The following ADAMTS16 variants were observed in gnomAD, a reference collection of about 807,000 sequenced individuals.
The protein encoded by ADAMTS16 is A disintegrin and metalloproteinase with thrombospondin motifs 16.
Under a neutral mutation model 145.8 loss-of-function variants are expected in ADAMTS16, and 94 were observed. That is an observed-to-expected ratio of 0.64 (90% CI 0.55 to 0.77). The LOEUF (loss-of-function observed/expected upper bound fraction) is 0.77, where lower values mean the gene tolerates loss of function less well. ADAMTS16 is among the 30% of genes least tolerant of loss of function. The pLI is 0.00. For missense variants in ADAMTS16, 1,585 were observed against 1,591.5 expected, an observed-to-expected ratio of 1.00 and a Z score of 0.07; for synonymous variants, 659 against 604.3, an observed-to-expected ratio of 1.09 and a Z score of -1.33.
chr5:5,235,052 G>A lies in ADAMTS16; in HGVS notation c.1889G>A (p.Arg630His), dbSNP rs377507889. ...HGGKFCEGST[R>H]TLKLCNSQKC... ...GGGAAGTTCTGTGAGGGCTCCACTC[G>A]CACTCTGAAGCTCTGCAACAGTCAG... The change falls in exon 13 of 23, where the codon CGC becomes CAC. Residue 630 changes from arginine (R) to histidine (H), a missense_variant. Physicochemically the swap from Arg to His is conservative, Grantham distance 29. This residue lies in a region of ADAMTS16 where 834 missense variants were observed against 811.7 expected (regional missense o/e 1.03). Coordinates refer to ENST00000274181, the MANE Select transcript of ADAMTS16 (RefSeq NM_139056.4). 4.3e-5 allele frequency: 69 copies of A among 1,595,892 alleles called. No individual in the cohort carries two copies. Among genetic ancestry groups the A allele is most frequent in the South Asian group, 1.8e-4 (16 of 90,116 alleles).
chr5:5,288,655 A>G (rs1739189827), intron 18 of ADAMTS16, among the ~76,000 whole-genome samples: 1 of 152,246 alleles, frequency 6.6e-6, no homozygotes, highest in Non-Finnish European at 1.5e-5. Context: ...GCCGTTGTCC[A>G]GTTAAAATAT....
chr5:5,190,189 C>A, intron 7 of ADAMTS16, 59 bp downstream of exon 7: 1 of 1,485,256 alleles, frequency 6.7e-7, no homozygotes. Flanking sequence ...CTGGCCGTGA[C>A]ACAGTGTTGA....
chr5:5,164,212 G>T (rs1734807874), intron 3 of ADAMTS16, among the ~76,000 whole-genome samples: 2 of 152,214 alleles, frequency 1.3e-5, no homozygotes, highest in Admixed American at 1.3e-4. Context: ...ACCCACAAGT[G>T]AAAATATCTC....
In ADAMTS16 at chr5:5,140,672, G is replaced by C. The variant is rs758819088; in HGVS notation, c.81G>C (p.Ala27=). The change falls in exon 2 of 23, where the codon GCG becomes GCC. Residue 27 remains alanine (A), a synonymous_variant. Coordinates refer to ENST00000274181, the MANE Select transcript of ADAMTS16 (RefSeq NM_139056.4). ...GCCGCTGTTTTCCGCAGGCACCTGC[G>C]TGCGCCATGGGACCCGCAGCGGCAG... The part of the protein sequence containing the change: ...LLAQVAEQAP[A]CAMGPAAAAP... 2.6e-6 allele frequency: 4 copies of C among 1,554,262 alleles called. No homozygotes were observed. The highest frequency in any genetic ancestry group is 2.4e-5 in the South Asian group (2 of 85,014).
At chr5:5,299,992 C>T (rs1241149066) in intron 18 of ADAMTS16, among the ~76,000 whole-genome samples, 1 of 152,158 alleles carries the variant, frequency 6.6e-6, no homozygotes, top group Non-Finnish European at 1.5e-5. Context: ...ACAAAACAGA[C>T]ACTTGGTGTT....
chr5:5,208,163 A>T (rs1257199759), intron 9 of ADAMTS16, among the ~76,000 whole-genome samples: 1 of 152,160 alleles, frequency 6.6e-6, no homozygotes, highest in Non-Finnish European at 1.5e-5. Context: ...GTTGCTTTTT[A>T]TGCACGGAGT....
chr5:5,307,203 C>G (rs1027252663), intron 21 of ADAMTS16, among the ~76,000 whole-genome samples: 2 of 152,124 alleles, frequency 1.3e-5, no homozygotes, highest in African/African-American at 4.8e-5. Flanking sequence ...CTCGTCTGTG[C>G]CCGCGCCTCC....
intron 18 of ADAMTS16, among the ~76,000 whole-genome samples, chr5:5,296,853 C>G (rs894830633): frequency 1.3e-5 from 2 of 152,278 alleles, no homozygotes; most frequent in African/African-American, 4.8e-5. Context: ...GGTTGCCTAC[C>G]CGTGTGTTAC....
chr5:5,192,112 T>C (rs1286964641), intron 8 of ADAMTS16, among the ~76,000 whole-genome samples: 1 of 152,156 alleles, frequency 6.6e-6, no homozygotes, highest in African/African-American at 2.4e-5. Flanking sequence ...CCCTCCCAAA[T>C]AGATGGAACT....
In ADAMTS16 at chr5:5,236,571, A is replaced by G. The variant is rs540453229; in HGVS notation, c.2024-398A>G. ...CAGTGATGTTTTTGATTCTTTTATT[A>G]CATTTTATCTGTAAGAATTTTGTGT... is the stretch of plus-strand genomic sequence containing the variant. On this transcript the variant is annotated intron_variant, in intron 13 of 22. Coordinates refer to ENST00000274181, the MANE Select transcript of ADAMTS16 (RefSeq NM_139056.4). Among the ~76,000 whole-genome samples the G allele has an allele frequency of 2.0e-5, 3 of 151,602 alleles. No homozygotes were observed. The East Asian group carries it at 5.8e-4, about 30-fold the overall frequency.
intron 17 of ADAMTS16, among the ~76,000 whole-genome samples, chr5:5,248,480 C>T: frequency 6.6e-6 from 1 of 152,324 alleles, no homozygotes; most frequent in East Asian, 1.9e-4. Flanking sequence ...AGCTTATGCC[C>T]TTCCTTTCTC....
chr5:5,202,351 G>A (rs1735980891), intron 9 of ADAMTS16, among the ~76,000 whole-genome samples: 1 of 151,994 alleles, frequency 6.6e-6, no homozygotes, highest in Non-Finnish European at 1.5e-5. Flanking sequence ...CCTGTATTCT[G>A]GGAATATACA....
chr5:5,260,346 C>T (rs1737969499), intron 17 of ADAMTS16, among the ~76,000 whole-genome samples: 2 of 152,118 alleles, frequency 1.3e-5, no homozygotes, highest in South Asian at 4.2e-4. Context: ...TATTCTTCTT[C>T]AAGAGGCTCA....
chr5:5,303,546 G>A, intron 19 of ADAMTS16, 26 bp from the exon 20 acceptor site: 1 of 1,611,434 alleles, frequency 6.2e-7, no homozygotes, highest in Non-Finnish European at 8.5e-7. Flanking sequence ...CCCTCACTGG[G>A]TGCTTATCCT....
In ADAMTS16 at chr5:5,262,783, GGT is replaced by G; in HGVS notation, c.2789+1_2789+2del. On this transcript the variant is annotated splice_donor_variant, in intron 18 of 22. Transcript: ENST00000274181. LOFTEE classifies it high-confidence loss of function. ...TGCAAAGTATCTGCCTGTCCTCCCAGGTAAGAAGCATCGCGTTCATCAAAGCA... is the reference window on the plus strand; with the variant it reads ...TGCAAAGTATCTGCCTGTCCTCCCAGAAGAAGCATCGCGTTCATCAAAGCA... 1.2e-6 allele frequency: 2 copies of G among 1,613,724 alleles called. No individual in the cohort carries two copies. Among genetic ancestry groups the G allele is most frequent in the Non-Finnish European group, 1.7e-6 (2 of 1,179,924 alleles).
chr5:5,306,477 T>A, intron 20 of ADAMTS16, 27 bp from the exon 21 acceptor site: 1 of 1,576,566 alleles, frequency 6.3e-7, no homozygotes, highest in Non-Finnish European at 8.6e-7. Flanking sequence ...TTTTTTTCAC[T>A]GACTTCTTTT....
chr5:5,157,276 TA>T (rs1734626413), intron 3 of ADAMTS16, among the ~76,000 whole-genome samples: 1 of 152,056 alleles, frequency 6.6e-6, no homozygotes, highest in African/African-American at 2.4e-5. Context: ...AATGTCTACC[TA>T]AAAATAGGTT....
At chr5:5,184,343 C>G (rs1034562797) in intron 4 of ADAMTS16, among the ~76,000 whole-genome samples, 6 of 152,200 alleles carry the variant, frequency 3.9e-5, no homozygotes, top group African/African-American at 1.4e-4. Flanking sequence ...GGCACTGTCA[C>G]CGATGCATGG....
intron 3 of ADAMTS16, among the ~76,000 whole-genome samples, chr5:5,167,215 C>G (rs1156440809): frequency 6.6e-6 from 1 of 152,164 alleles, no homozygotes; most frequent in East Asian, 1.9e-4. Context: ...CATAGTTTAT[C>G]CATTGTTGTG....
Sources: gnomAD v4.1 joint callset for allele counts (sites outside exome capture counted in the v4.1 genomes callset) on GRCh38, gnomAD v4.1.1 for gene constraint, gnomAD v4.1.1 regional missense constraint, MANE v1.5 for transcripts, NCBI Gene and HGNC (gene_info 2026-07-23, HGNC 2026-07-21) for gene names.